Variants in MCTP1 observed in about 807,000 individuals in gnomAD.
The protein encoded by MCTP1 is multiple C2 and transmembrane domain containing 1, also known as multiple C2 and transmembrane domain-containing protein 1.
Under a neutral mutation model 120.6 loss-of-function variants are expected in MCTP1, and 69 were observed. That is an observed-to-expected ratio of 0.57 (90% confidence interval 0.47 to 0.70). The LOEUF is 0.70. MCTP1 is among the 30% of genes least tolerant of loss of function. The pLI is 0.00. For missense variants in MCTP1, 1,203 were observed against 1,248.8 expected, an observed-to-expected ratio of 0.96 and a Z score of 0.55; for synonymous variants, 529 against 493.1, an observed-to-expected ratio of 1.07 and a Z score of -0.96.
At chr5:94,875,267 G>A (rs1316105062) in intron 12 of MCTP1, among the ~76,000 whole-genome samples, 3 of 152,082 alleles carry the variant, frequency 2.0e-5, no homozygotes, top group Admixed American at 1.3e-4. Flanking sequence ...AAGGAGGTGA[G>A]TCTTGGGTGA....
chr5:95,074,773 T>C (rs1262671943), intron 1 of MCTP1, among the ~76,000 whole-genome samples: 2 of 152,140 alleles, frequency 1.3e-5, no homozygotes, highest in Non-Finnish European at 2.9e-5. Context: ...CTCAAAAAAA[T>C]GTTTCGTGGC....
chr5:95,101,530 G>GTGAGTGAT (rs1245805971), intron 1 of MCTP1, among the ~76,000 whole-genome samples: 3 of 152,220 alleles, frequency 2.0e-5, no homozygotes, highest in African/African-American at 7.2e-5. Flanking sequence ...AACCAGAAGT[G>GTGAGTGAT]TGAGTGATTC....
At chr5:94,941,505 A>T (rs1448143475) in intron 4 of MCTP1, among the ~76,000 whole-genome samples, 1 of 152,048 alleles carries the variant, frequency 6.6e-6, no homozygotes, top group Non-Finnish European at 1.5e-5. Context: ...CTACATTTAC[A>T]GAAATAGAAA....
In MCTP1 at chr5:94,825,052, G is replaced by T. The variant is rs140538433; in HGVS notation, c.2437-25920C>A. 8.4e-3 allele frequency among the ~76,000 whole-genome samples: 1,284 copies of T among 152,200 alleles called. 6 individuals carry two copies. The highest frequency in any genetic ancestry group is 0.037 in the Middle Eastern group (11 of 294). On this transcript the variant is annotated intron_variant, in intron 17 of 22. Coordinates refer to ENST00000515393, the MANE Select transcript of MCTP1 (RefSeq NM_024717.7). ...TCTCTATCTCCTGCAGTTCTGCTCT[G>T]ATCTTAGTTATTTCTTGTCTTCTGC...
intron 1 of MCTP1, among the ~76,000 whole-genome samples, chr5:95,061,681 C>T (rs988929285): frequency 2.6e-5 from 4 of 151,718 alleles, no homozygotes; most frequent in Non-Finnish European, 4.4e-5. Context: ...GTGATCCGCC[C>T]GCCTCGGCCT....
intron 1 of MCTP1, among the ~76,000 whole-genome samples, chr5:95,194,724 G>A (rs921989889): frequency 3.9e-5 from 6 of 152,132 alleles, no homozygotes; most frequent in African/African-American, 7.2e-5. Context: ...AGACCTGAAC[G>A]TTACTGAGAG....
intron 11 of MCTP1, among the ~76,000 whole-genome samples, chr5:94,890,172 A>C (rs293055): frequency 0.43 from 64,634 of 151,866 alleles, 14,869 homozygotes; most frequent in Middle Eastern, 0.54. Flanking sequence ...TTAACTTAAA[A>C]AAAAATTAAA....
chr5:95,216,123 C>T (rs1032070943), intron 1 of MCTP1, among the ~76,000 whole-genome samples: 5 of 152,044 alleles, frequency 3.3e-5, no homozygotes, highest in African/African-American at 1.2e-4. Context: ...TTGTTATATC[C>T]ATTCTTCATG....
chr5:94,927,312 G>A (rs1326491419), intron 6 of MCTP1, among the ~76,000 whole-genome samples: 2 of 152,060 alleles, frequency 1.3e-5, no homozygotes, highest in African/African-American at 4.8e-5. Flanking sequence ...TTGCATTTTG[G>A]AATCTCAGAA....
chr5:94,743,625 A>G (rs1766111178), intron 19 of MCTP1, among the ~76,000 whole-genome samples: 1 of 145,246 alleles, frequency 6.9e-6, no homozygotes, highest in Non-Finnish European at 1.5e-5. Context: ...GAAGCTCAAA[A>G]TCCACATTTT....
chr5:95,087,429 C>A (rs1003603073), intron 1 of MCTP1, among the ~76,000 whole-genome samples: 1 of 152,148 alleles, frequency 6.6e-6, no homozygotes, highest in African/African-American at 2.4e-5. Flanking sequence ...CCACAGTGAA[C>A]TGAATGAAGG....
intron 1 of MCTP1, among the ~76,000 whole-genome samples, chr5:95,122,958 G>A (rs895440988): frequency 6.6e-6 from 1 of 152,092 alleles, no homozygotes; most frequent in African/African-American, 2.4e-5. Flanking sequence ...TAAGTAGAAG[G>A]GCGGTTACCA....
chr5:94,981,072 C>G (rs1829298775), intron 2 of MCTP1, among the ~76,000 whole-genome samples: 1 of 152,102 alleles, frequency 6.6e-6, no homozygotes, highest in African/African-American at 2.4e-5. Flanking sequence ...TCAAAACTTG[C>G]AATTATCCTG....
At chr5:95,047,376 C>A (rs1385867217) in intron 1 of MCTP1, among the ~76,000 whole-genome samples, 1 of 152,026 alleles carries the variant, frequency 6.6e-6, no homozygotes, top group African/African-American at 2.4e-5. Flanking sequence ...TTTCTCATGG[C>A]CAATTTATTC....
intron 7 of MCTP1, among the ~76,000 whole-genome samples, chr5:94,920,494 G>A (rs1811302882): frequency 6.6e-6 from 1 of 152,026 alleles, no homozygotes; most frequent in Non-Finnish European, 1.5e-5. Flanking sequence ...TGTAATCCCA[G>A]CACTTTGGGA....
At chr5:95,205,397 A>G (rs1448453027) in intron 1 of MCTP1, among the ~76,000 whole-genome samples, 1 of 152,176 alleles carries the variant, frequency 6.6e-6, no homozygotes, top group East Asian at 1.9e-4. Flanking sequence ...AAACTCTTAG[A>G]AGAAAACACA....
At chr5:94,730,168 C>G (rs1762867191) in intron 19 of MCTP1, among the ~76,000 whole-genome samples, 1 of 152,080 alleles carries the variant, frequency 6.6e-6, no homozygotes, top group Non-Finnish European at 1.5e-5. Flanking sequence ...GTAAATGAGA[C>G]TTAGTTTTTT....
At chr5:94,710,589 C>CA in intron 21 of MCTP1, 1 of 414,616 alleles carries the variant, frequency 2.4e-6, no homozygotes, top group South Asian at 4.2e-5. Context: ...GCACAACTAA[C>CA]ATGTTTATAG....
At chr5:94,733,736 C>T (rs1485693635) in intron 19 of MCTP1, among the ~76,000 whole-genome samples, 1 of 152,070 alleles carries the variant, frequency 6.6e-6, no homozygotes, top group East Asian at 1.9e-4. Flanking sequence ...GAGGACAAGG[C>T]AGGCAGATCA....
Sources: gnomAD v4.1 joint callset for allele counts (sites outside exome capture counted in the v4.1 genomes callset) on GRCh38, gnomAD v4.1.1 for gene constraint, MANE v1.5 for transcripts, NCBI Gene and HGNC (gene_info 2026-07-23, HGNC 2026-07-21) for gene names.